ADTRP: variants seen among roughly 807,000 people sequenced by gnomAD.
ADTRP encodes androgen-dependent TFPI-regulating protein.
In ADTRP, 20 loss-of-function variants were observed where a neutral mutation model predicts 27.0. The observed-to-expected ratio is 0.74, with a 90% confidence interval of 0.52 to 1.08. The LOEUF (loss-of-function observed/expected upper bound fraction) is 1.08. Among genes scored for constraint, ADTRP ranks in the 50% least tolerant of loss-of-function variants. The pLI is 0.00. For synonymous variants in ADTRP, 101 were observed against 105.2 expected (o/e 0.96, Z 0.25); for missense variants, 251 against 275.0 (o/e 0.91, Z 0.62).
intron 3 of ADTRP, among the ~76,000 whole-genome samples, chr6:11,760,772 T>C (rs1325224294): frequency 1.3e-5 from 2 of 152,194 alleles, no homozygotes; most frequent in East Asian, 1.9e-4. Context: ...GAACAATTGA[T>C]TTCCTTATTC....
At chr6:11,717,522 C>T (rs1450250938) in intron 5 of ADTRP, 1 of 1,140,982 alleles carries the variant, frequency 8.8e-7, no homozygotes, top group Non-Finnish European at 1.1e-6. Flanking sequence ...TAAATAAAAA[C>T]ATAGTATTCT....
Position 11,756,337 on chromosome 6 carries a change from T to TAA in ADTRP, c.390+9935_390+9936dup, listed in dbSNP as rs1763213770. 4.4e-5 allele frequency among the ~76,000 whole-genome samples: 3 copies of TAA among 67,826 alleles called. No homozygotes were observed. In the African/African-American group the frequency reaches 6.0e-4, roughly 13 times the overall value. The allele number at this position is 67,826 out of a possible 152,430, so 44.5% of individuals were successfully genotyped here. A position where few individuals can be genotyped will look rare whatever the true frequency, so the allele number is the denominator to read the frequency against. On this transcript the variant is annotated intron_variant, in intron 3 of 5. Coordinates refer to ENST00000414691, the MANE Select transcript of ADTRP (RefSeq NM_032744.4). The stretch of plus-strand genomic sequence containing the variant: ...TGACAAAGCGAGACTGTGTCTCAAA[T>TAA]AATAATAATAATAATAATAATTTAA...
At chr6:11,715,688 C>T (rs1474663976) in intron 5 of ADTRP, among the ~76,000 whole-genome samples, 2 of 145,758 alleles carry the variant, frequency 1.4e-5, no homozygotes, top group African/African-American at 5.2e-5. Flanking sequence ...GGTCTTTGCC[C>T]AGGCTGGAAT....
intron 3 of ADTRP, among the ~76,000 whole-genome samples, chr6:11,764,862 A>T (rs1763506445): frequency 6.6e-6 from 1 of 151,118 alleles, no homozygotes; most frequent in Non-Finnish European, 1.5e-5. Flanking sequence ...TACCTGAAAA[A>T]CATGCTTTGG....
chr6:11,715,648 CTTTTTTTTTTTTT>C (rs55815652), intron 5 of ADTRP, among the ~76,000 whole-genome samples: 2 of 121,142 alleles, frequency 1.7e-5, no homozygotes, highest in Non-Finnish European at 3.3e-5. Flanking sequence ...CTGTTTTTCC[CTTTTTTTTTTTTT>C]TTTTTTTTTG....
At chr6:11,746,283 A>G (rs965138406) in intron 3 of ADTRP, among the ~76,000 whole-genome samples, 2 of 152,218 alleles carry the variant, frequency 1.3e-5, no homozygotes, top group African/African-American at 2.4e-5. Context: ...AAGTGGTAAT[A>G]GATGAGATAA....
intron 1 of ADTRP, among the ~76,000 whole-genome samples, chr6:11,768,842 TCAAGAGGACCAC>T (rs1290320554): frequency 6.6e-6 from 1 of 151,292 alleles, no homozygotes; most frequent in Non-Finnish European, 1.5e-5. Context: ...TGGAATCAGG[TCAAGAGGACCAC>T]CACGAATCTC....
chr6:11,775,102 G>A (rs1249295289), intron 1 of ADTRP, among the ~76,000 whole-genome samples: 3 of 152,172 alleles, frequency 2.0e-5, no homozygotes, highest in Non-Finnish European at 4.4e-5. Flanking sequence ...TGGGAAGATG[G>A]GGCATGCAGC....
chr6:11,757,907 A>T (rs1763263609), intron 3 of ADTRP, among the ~76,000 whole-genome samples: 1 of 152,142 alleles, frequency 6.6e-6, no homozygotes, highest in African/African-American at 2.4e-5. Context: ...ATAAAGCACC[A>T]GTTGTGGTGC....
chr6:11,773,366 C>T (rs1328288412), intron 1 of ADTRP, among the ~76,000 whole-genome samples: 2 of 152,190 alleles, frequency 1.3e-5, no homozygotes, highest in African/African-American at 4.8e-5. Flanking sequence ...AGAACGCTCT[C>T]AGACATCTAT....
intron 3 of ADTRP, among the ~76,000 whole-genome samples, chr6:11,748,793 G>C (rs142069335): frequency 6.6e-6 from 1 of 152,318 alleles, no homozygotes; most frequent in African/African-American, 2.4e-5. Flanking sequence ...TCCTGTAGGA[G>C]AATGAACTTC....
chr6:11,733,917 T>A (rs1762464204), intron 4 of ADTRP, among the ~76,000 whole-genome samples: 1 of 151,924 alleles, frequency 6.6e-6, no homozygotes, highest in South Asian at 2.1e-4. Context: ...ATCTTCTTCA[T>A]CCCCAAAAAG....
At chr6:11,729,066 C>T (rs210897) in intron 4 of ADTRP, among the ~76,000 whole-genome samples, 102,138 of 151,964 alleles carry the variant, frequency 0.67, 36,459 homozygotes, top group East Asian at 0.83. Flanking sequence ...AATCTTAGAG[C>T]ATTATAATGG....
At chr6:11,737,729 G>C (rs1320765481) in intron 3 of ADTRP, among the ~76,000 whole-genome samples, 3 of 152,126 alleles carry the variant, frequency 2.0e-5, no homozygotes, top group African/African-American at 7.2e-5. Flanking sequence ...CAAGGGCCCT[G>C]GGCACCCTGA....
intron 4 of ADTRP, chr6:11,728,506 G>A (rs1315464612): frequency 6.6e-6 from 1 of 152,236 alleles, no homozygotes; most frequent in African/African-American, 2.4e-5. Context: ...CCCTGTGTCT[G>A]GCTGAATCTT....
chr6:11,723,526 G>A (rs776403298), intron 4 of ADTRP, 26 bp from the exon 5 acceptor site: 6 of 1,611,012 alleles, frequency 3.7e-6, no homozygotes, highest in South Asian at 1.1e-5. Flanking sequence ...AGTCGTGGTG[G>A]TTATAGCAGG....
At chr6:11,729,736 G>A (rs1762325904) in intron 4 of ADTRP, among the ~76,000 whole-genome samples, 2 of 152,066 alleles carry the variant, frequency 1.3e-5, no homozygotes, top group South Asian at 4.2e-4. Context: ...CAATGCTGAG[G>A]GCATATCCTG....
At position 11,714,618 on chromosome 6, in the gene ADTRP, A is replaced by G. The variant is rs564330220; in HGVS notation, c.659-106T>C. 3.1e-3 allele frequency: 4,102 copies of G among 1,309,094 alleles called. 11 individuals are homozygous for G. The highest frequency in any genetic ancestry group is 3.5e-3 in the Non-Finnish European group (3,280 of 939,106). The allele number at this position is 1,309,094 out of a possible 1,614,324, so 81.1% of individuals were successfully genotyped here. The stretch of plus-strand genomic sequence containing the variant: ...CTGACTTGGGGCAGTGGAAAGTTGA[A>G]CACACTTTTCCCAAGGTGACAAGAT... On this transcript the variant is annotated intron_variant, in intron 5 of 5. Transcript: ENST00000414691.
intron 5 of ADTRP, among the ~76,000 whole-genome samples, chr6:11,715,584 T>C (rs150349307): frequency 5.8e-4 from 89 of 152,184 alleles, no homozygotes; most frequent in Middle Eastern, 3.4e-3. Flanking sequence ...TTATTGTTTA[T>C]CAAGCTTTAT....
Sources: gnomAD v4.1 joint callset for allele counts (sites outside exome capture counted in the v4.1 genomes callset) on GRCh38, gnomAD v4.1.1 for gene constraint, MANE v1.5 for transcripts, NCBI Gene and HGNC (gene_info 2026-07-23, HGNC 2026-07-21) for gene names.